TAS2R1: variants seen among roughly 807,000 people sequenced by gnomAD.
TAS2R1 encodes taste receptor type 2 member 1.
For missense variants in TAS2R1, 370 were observed against 353.4 expected (o/e 1.05, Z -0.38); for synonymous variants, 141 against 134.2 (o/e 1.05, Z -0.35).
chr5:9,802,365 T>G, the TAS2R1 span, among the ~76,000 whole-genome samples: 5 of 152,028 alleles, frequency 3.3e-5, no homozygotes, highest in Non-Finnish European at 7.4e-5. Context: ...GTCCCAACCC[T>G]AGGTGAAGAG....
chr5:9,895,163 G>A, the TAS2R1 span, among the ~76,000 whole-genome samples: 2 of 152,168 alleles, frequency 1.3e-5, no homozygotes, highest in African/African-American at 4.8e-5. Context: ...GTGAAGGGGG[G>A]TGATGGGGGA....
At chr5:9,652,917 T>C (rs1435331561) in intron 2 of TAS2R1, among the ~76,000 whole-genome samples, 1 of 152,194 alleles carries the variant, frequency 6.6e-6, no homozygotes, top group African/African-American at 2.4e-5. Flanking sequence ...TTAATCACAT[T>C]AAGTGAACAA....
chr5:9,733,952 G>A, the TAS2R1 span, among the ~76,000 whole-genome samples: 1 of 151,864 alleles, frequency 6.6e-6, no homozygotes, highest in African/African-American at 2.4e-5. Context: ...TCTACCACTT[G>A]TGCTATCATC....
chr5:9,636,259 T>C (rs1297729130), intron 2 of TAS2R1, among the ~76,000 whole-genome samples: 1 of 152,128 alleles, frequency 6.6e-6, no homozygotes, highest in Non-Finnish European at 1.5e-5. Context: ...GAGTTCCTTA[T>C]GGAGTTAATT....
At chr5:9,722,694 C>T in the TAS2R1 span, among the ~76,000 whole-genome samples, 1 of 152,228 alleles carries the variant, frequency 6.6e-6, no homozygotes, top group Non-Finnish European at 1.5e-5. Context: ...TTCTGCATTA[C>T]TGATCCCTCA....
the TAS2R1 span, among the ~76,000 whole-genome samples, chr5:9,722,564 G>A: frequency 2.0e-4 from 30 of 152,318 alleles, no homozygotes; most frequent in African/African-American, 7.0e-4. Flanking sequence ...AAAGTGAAAT[G>A]CTAAGCTTCA....
intron 1 of TAS2R1, among the ~76,000 whole-genome samples, chr5:9,702,560 C>T (rs1294575786): frequency 6.6e-6 from 1 of 152,146 alleles, no homozygotes; most frequent in Non-Finnish European, 1.5e-5. Flanking sequence ...AGAAACCCAC[C>T]CGGCTGAGCC....
chr5:9,720,368 G>A, the TAS2R1 span, among the ~76,000 whole-genome samples: 1 of 152,200 alleles, frequency 6.6e-6, no homozygotes, highest in African/African-American at 2.4e-5. Flanking sequence ...CACCCTCTGT[G>A]GAATGGTGGG....
At chr5:9,737,111 T>C in the TAS2R1 span, among the ~76,000 whole-genome samples, 1 of 152,278 alleles carries the variant, frequency 6.6e-6, no homozygotes, top group East Asian at 1.9e-4. Flanking sequence ...AATGGGGAAA[T>C]ATTATTCTCC....
chr5:9,801,056 G>A, the TAS2R1 span, among the ~76,000 whole-genome samples: 5 of 152,174 alleles, frequency 3.3e-5, no homozygotes, highest in Non-Finnish European at 7.4e-5. Flanking sequence ...GGCTGGCATG[G>A]TGGCAGGAGC....
the TAS2R1 span, among the ~76,000 whole-genome samples, chr5:9,730,639 A>G: frequency 6.6e-6 from 1 of 152,122 alleles, no homozygotes; most frequent in Admixed American, 6.5e-5. Context: ...CATTTCCAAG[A>G]GGACAGATAG....
the TAS2R1 span, among the ~76,000 whole-genome samples, chr5:9,825,022 G>A: frequency 6.6e-6 from 1 of 152,196 alleles, no homozygotes; most frequent in South Asian, 2.1e-4. Context: ...GACTTGTGCA[G>A]TGTTCAGCTT....
At chr5:9,770,841 CA>C in the TAS2R1 span, among the ~76,000 whole-genome samples, 1 of 152,126 alleles carries the variant, frequency 6.6e-6, no homozygotes, top group African/African-American at 2.4e-5. Context: ...TATCTGCAAA[CA>C]AGGATAATTT....
intron 1 of TAS2R1, among the ~76,000 whole-genome samples, chr5:9,666,985 T>A (rs566789870): frequency 1.1e-4 from 17 of 152,202 alleles, no homozygotes; most frequent in East Asian, 7.7e-4. Context: ...AAATTTTTTT[T>A]AAAAAAAGAT....
chr5:9,647,563 T>C (rs1044579320), intron 2 of TAS2R1, among the ~76,000 whole-genome samples: 3 of 152,150 alleles, frequency 2.0e-5, no homozygotes, highest in Non-Finnish European at 4.4e-5. Flanking sequence ...GCAATGGTAC[T>C]CAAGGTCCTC....
chr5:9,631,801 T>C (rs1404266144), upstream of TAS2R1, among the ~76,000 whole-genome samples: 5 of 152,270 alleles, frequency 3.3e-5, no homozygotes, highest in Middle Eastern at 3.4e-3. Context: ...AATCTGTAGG[T>C]TCTTTTATGG....
At chr5:9,746,696 C>T in the TAS2R1 span, among the ~76,000 whole-genome samples, 3 of 152,134 alleles carry the variant, frequency 2.0e-5, no homozygotes, top group Non-Finnish European at 2.9e-5. Context: ...CGTTCTCACT[C>T]ATAAGTGGGA....
the TAS2R1 span, among the ~76,000 whole-genome samples, chr5:9,877,141 GC>G: frequency 6.6e-6 from 1 of 152,138 alleles, no homozygotes; most frequent in Non-Finnish European, 1.5e-5. Flanking sequence ...CCTGAAATGG[GC>G]ATTTAACACA....
chr5:9,871,012 T>G, the TAS2R1 span, among the ~76,000 whole-genome samples: 6 of 152,196 alleles, frequency 3.9e-5, no homozygotes, highest in African/African-American at 1.4e-4. Context: ...TTCTACAGTT[T>G]TGTTACATAA....
Sources: gnomAD v4.1 joint callset for allele counts (sites outside exome capture counted in the v4.1 genomes callset) on GRCh38, gnomAD v4.1.1 for gene constraint, MANE v1.5 for transcripts, NCBI Gene and HGNC (gene_info 2026-07-23, HGNC 2026-07-21) for gene names.